Variants in ODF2L observed in about 807,000 individuals in gnomAD.
ODF2L encodes the protein protein BCAP.
A neutral mutation model predicts 86.3 loss-of-function variants in ODF2L; 76 were observed. The ratio of observed to expected loss-of-function variants is 0.88; its 90% CI spans 0.73 to 1.07. The LOEUF is 1.07. Among genes scored for constraint, ODF2L ranks in the 50% least tolerant of loss-of-function variants. ODF2L has a pLI of 0.00. For missense variants in ODF2L, 748 were observed against 717.4 expected (o/e 1.04, Z -0.49); for synonymous variants, 241 against 231.3 (o/e 1.04, Z -0.38).
intron 14 of ODF2L, chr1:86,355,280 A>C (rs1658455792): frequency 2.8e-6 from 3 of 1,054,572 alleles, no homozygotes; most frequent in African/African-American, 3.2e-5. Flanking sequence ...TGAAGTCGAA[A>C]CTGTAAATAA....
intron 7 of ODF2L, among the ~76,000 whole-genome samples, chr1:86,381,511 G>A (rs763174971): frequency 1.2e-4 from 18 of 151,986 alleles, no homozygotes; most frequent in African/African-American, 4.1e-4. Context: ...TAATTCAGGA[G>A]TGCAAAACCA....
In ODF2L at chr1:86,359,241, T is replaced by TA. The variant is rs57483150; in HGVS notation, c.1255-351dup. On this transcript the variant is annotated intron_variant, in intron 12 of 17. Transcript: ENST00000317336. ...TTTTTCCCACCAAATCAAAATCTGC[T>TA]AAAAAAAAAAAAAAAAATTCTAGGC... Among the ~76,000 whole-genome samples, 890 of 145,172 alleles carry TA rather than the reference T, an allele frequency of 6.1e-3. 11 individuals carry two copies. Among genetic ancestry groups the TA allele is most frequent in the African/African-American group, 0.017 (690 of 39,876 alleles).
In ODF2L at chr1:86,376,279, TGG is replaced by T. The variant is rs754776639; in HGVS notation, c.762_763del (p.Asp254GlufsTer7). The T allele has an allele frequency of 4.8e-5, 77 of 1,612,444 alleles. No homozygotes were observed. The highest frequency in any genetic ancestry group is 4.9e-5 in the Non-Finnish European group (58 of 1,179,240). On this transcript the variant is annotated frameshift_variant, in exon 8 of 18. Transcript: ENST00000317336. LOFTEE classifies it high-confidence loss of function. ...AAGCTTTTCAATAGCTCCTGTAAAA[TGG>T]TCAAGCCTTTGTTTGTAAACTTTAG...
downstream of ODF2L, chr1:86,348,579 T>C (rs189945759): frequency 2.0e-6 from 1 of 490,628 alleles, no homozygotes; most frequent in Non-Finnish European, 3.0e-6. Context: ...AACTATCCTA[T>C]TTTAAAGTTT....
chr1:86,356,290 CTGTATTAT>C (rs1658554468), intron 14 of ODF2L, among the ~76,000 whole-genome samples, 146 bp downstream of exon 13: 1 of 152,148 alleles, frequency 6.6e-6, no homozygotes, highest in South Asian at 2.1e-4. Context: ...GCTTGCAAAA[CTGTATTAT>C]AGTATCTGCA....
At chr1:86,371,490 C>T (rs1005417443) in intron 9 of ODF2L, among the ~76,000 whole-genome samples, 3 of 152,088 alleles carry the variant, frequency 2.0e-5, no homozygotes, top group African/African-American at 7.2e-5. Context: ...CACATATATA[C>T]ACAATTTTAG....
rs571107805 is a variant in ODF2L, at chr1:86,384,853, A to G, written c.247-52T>C. The G allele has an allele frequency of 2.3e-5, 31 of 1,344,286 alleles. No individual in the cohort carries two copies. The South Asian group carries it at 5.3e-4, about 23-fold the overall frequency. The allele number at this position is 1,344,286 out of a possible 1,614,324, so 83.3% of individuals were successfully genotyped here. Reference sequence around the variant, plus strand: ...CATTTTAAGACACAGCATTAAATAAAACCCTCTAAAATATATTATCAAACA... The same window carrying G: ...CATTTTAAGACACAGCATTAAATAAGACCCTCTAAAATATATTATCAAACA... On this transcript the variant is annotated intron_variant, in intron 3 of 17. Transcript: ENST00000317336.
chr1:86,384,836 GAC>G, intron 3 of ODF2L, 35 bp from the exon 4 acceptor site: 1 of 1,444,958 alleles, frequency 6.9e-7, no homozygotes, highest in Non-Finnish European at 9.1e-7. Flanking sequence ...CACATTTTAA[GAC>G]ACAGCATTAA....
intron 10 of ODF2L, chr1:86,368,771 C>T (rs1284421098): frequency 7.7e-6 from 10 of 1,295,694 alleles, no homozygotes; most frequent in Non-Finnish European, 1.0e-5. Context: ...TTCATCAGAG[C>T]ATTATTATTA....
chr1:86,354,709 T>C lies in ODF2L; in HGVS notation c.1605-17A>G, dbSNP rs764192235. 1 of 1,588,316 alleles carries C rather than the reference T, an allele frequency of 6.3e-7. No homozygotes were observed. The highest frequency in any genetic ancestry group is 2.2e-5 in the East Asian group (1 of 44,686). On this transcript the variant is annotated splice_polypyrimidine_tract_variant and intron_variant, in intron 15 of 17. Coordinates refer to ENST00000317336, the Ensembl canonical transcript of ODF2L. ...TCTAATTTTCTTTTTACAGAAAACATATATTTTAAAATGTTAATGTGCAGA... is the reference window on the plus strand; with the variant it reads ...TCTAATTTTCTTTTTACAGAAAACACATATTTTAAAATGTTAATGTGCAGA...
chr1:86,391,918 C>T (rs1661360055), intron 1 of ODF2L, among the ~76,000 whole-genome samples: 1 of 152,186 alleles, frequency 6.6e-6, no homozygotes, highest in Non-Finnish European at 1.5e-5. Flanking sequence ...AGACAACCCA[C>T]AGAGTGGGAG....
At chr1:86,372,035 A>G (rs1429600385) in intron 9 of ODF2L, among the ~76,000 whole-genome samples, 3 of 152,036 alleles carry the variant, frequency 2.0e-5, no homozygotes, top group African/African-American at 4.8e-5. Context: ...AAAATACAAA[A>G]AAAAACAGCT....
At chr1:86,354,818 T>C (rs1410804702) in exon 15 of ODF2L, 2 of 1,607,678 alleles carry the variant, frequency 1.2e-6, no homozygotes, top group Non-Finnish European at 1.7e-6. Context: ...AGTTTTCCTC[T>C]TCCAGAGAAA....
In ODF2L at chr1:86,387,757, T is replaced by C. The variant is rs1240359424; in HGVS notation, c.-59-671A>G. On this transcript the variant is annotated intron_variant, in intron 1 of 17. Transcript: ENST00000317336. ...CAATTTAAGTAATGAGTTAGAGCTT[T>C]GGCAACCATTAAGGCTCTCTTTTCC... Among the ~76,000 whole-genome samples the C allele has an allele frequency of 3.3e-5, 5 of 152,276 alleles. No homozygotes were observed. The East Asian group carries it at 9.6e-4, about 29-fold the overall frequency.
intron 7 of ODF2L, 87 bp from the exon 8 acceptor site, chr1:86,376,505 G>T: frequency 1.3e-6 from 1 of 785,862 alleles, no homozygotes; most frequent in Non-Finnish European, 2.0e-6. Context: ...AACTGATATG[G>T]TTTGTGTATT....
chr1:86,348,687 T>C, downstream of ODF2L: 1 of 1,267,842 alleles, frequency 7.9e-7, no homozygotes, highest in African/African-American at 1.6e-5. Flanking sequence ...TTTATTTTTT[T>C]ACCCAATCAC....
chr1:86,393,572 GATA>G (rs1661485701), intron 1 of ODF2L, among the ~76,000 whole-genome samples: 1 of 152,208 alleles, frequency 6.6e-6, no homozygotes, highest in Non-Finnish European at 1.5e-5. Context: ...CTGCAGACTG[GATA>G]ATATAGGAAG....
chr1:86,360,504 T>A (rs751522398), exon 12 of ODF2L: 1 of 1,598,390 alleles, frequency 6.3e-7, no homozygotes, highest in South Asian at 1.1e-5. Context: ...TTTCAACAGA[T>A]ACAACTTCAT....
At chr1:86,382,618 T>C (rs1032198020) in intron 6 of ODF2L, among the ~76,000 whole-genome samples, 1 of 152,006 alleles carries the variant, frequency 6.6e-6, no homozygotes, top group African/African-American at 2.4e-5. Context: ...GGTATGGGTA[T>C]ACCTAAAATG....
Sources: gnomAD v4.1 joint callset for allele counts (sites outside exome capture counted in the v4.1 genomes callset) on GRCh38, gnomAD v4.1.1 for gene constraint, MANE v1.5 for transcripts, NCBI Gene and HGNC (gene_info 2026-07-23, HGNC 2026-07-21) for gene names.